Variants in KHDRBS2 observed in about 807,000 individuals in gnomAD.
The protein encoded by KHDRBS2 is KH domain-containing, RNA-binding, signal transduction-associated protein 2.
A neutral mutation model predicts 44.3 loss-of-function variants in KHDRBS2; 26 were observed. The observed-to-expected ratio is 0.59, with a 90% CI of 0.43 to 0.81. KHDRBS2 has a LOEUF of 0.81. Ranked by LOEUF, KHDRBS2 falls within the 40% of genes least tolerant of loss-of-function variation. KHDRBS2 has a pLI of 0.00. For missense variants in KHDRBS2, 476 were observed against 433.1 expected, an observed-to-expected ratio of 1.10 and a Z score of -0.88; for synonymous variants, 194 against 151.1, an observed-to-expected ratio of 1.28 and a Z score of -2.08.
chr6:61,560,358 T>A, the KHDRBS2 span, among the ~76,000 whole-genome samples: 1 of 152,150 alleles, frequency 6.6e-6, no homozygotes, highest in Non-Finnish European at 1.5e-5. Flanking sequence ...TTCTTCTAGG[T>A]TTGGGAAGTT....
At chr6:62,064,126 A>G (rs1792855282) in intron 2 of KHDRBS2, among the ~76,000 whole-genome samples, 1 of 61,332 alleles carries the variant, frequency 1.6e-5, no homozygotes, top group African/African-American at 3.9e-5. Context: ...CAAGGAAATA[A>G]AAGAGTATAC....
chr6:62,139,890 C>G (rs1213001385), intron 2 of KHDRBS2, among the ~76,000 whole-genome samples: 1 of 152,002 alleles, frequency 6.6e-6, no homozygotes, highest in Non-Finnish European at 1.5e-5. Flanking sequence ...CCCCACTCCC[C>G]GCCCACCCGC....
chr6:62,245,362 C>T (rs899696149), intron 1 of KHDRBS2, among the ~76,000 whole-genome samples: 1 of 151,960 alleles, frequency 6.6e-6, no homozygotes, highest in Non-Finnish European at 1.5e-5. Context: ...ATCCTGGCTT[C>T]ACTACTCAAA....
intron 6 of KHDRBS2, among the ~76,000 whole-genome samples, chr6:61,835,734 T>TGC (rs1205621376): frequency 2.0e-5 from 3 of 151,418 alleles, no homozygotes; most frequent in African/African-American, 7.3e-5. Context: ...TGTGTGTGTG[T>TGC]GTGTGCATGA....
the KHDRBS2 span, among the ~76,000 whole-genome samples, chr6:61,575,118 C>A: frequency 2.0e-5 from 3 of 152,166 alleles, no homozygotes; most frequent in South Asian, 6.2e-4. Context: ...TAGATGGCAC[C>A]TAATTAAACT....
the KHDRBS2 span, among the ~76,000 whole-genome samples, chr6:61,553,733 T>G: frequency 1.1e-4 from 16 of 152,196 alleles, no homozygotes; most frequent in African/African-American, 3.6e-4. Flanking sequence ...AATTTCTTGA[T>G]TTCTGCCTTG....
chr6:61,908,639 A>C (rs1484615795), intron 4 of KHDRBS2, among the ~76,000 whole-genome samples: 1 of 151,830 alleles, frequency 6.6e-6, no homozygotes, highest in Non-Finnish European at 1.5e-5. Flanking sequence ...GTCTCAAAAA[A>C]AAAAAAAAAA....
chr6:62,050,592 A>T (rs1584369706), intron 2 of KHDRBS2, among the ~76,000 whole-genome samples: 1 of 151,618 alleles, frequency 6.6e-6, no homozygotes, highest in East Asian at 2.0e-4. Flanking sequence ...GGTAAATCTC[A>T]CACACACACA....
chr6:61,762,485 G>C (rs1779416703), intron 6 of KHDRBS2, among the ~76,000 whole-genome samples: 1 of 152,150 alleles, frequency 6.6e-6, no homozygotes, highest in Admixed American at 6.6e-5. Context: ...GTGGTAATGA[G>C]TGAGTTCTTG....
chr6:61,765,168 T>TAGCATTTCTATAATCCC (rs1414248615), intron 6 of KHDRBS2, among the ~76,000 whole-genome samples: 2 of 152,108 alleles, frequency 1.3e-5, no homozygotes, highest in African/African-American at 4.8e-5. Flanking sequence ...CCAGGCATGG[T>TAGCATTTCTATAATCCC]AGCATTTCTA....
At chr6:61,893,422 G>T (rs76471451) in intron 6 of KHDRBS2, among the ~76,000 whole-genome samples, 147,883 of 152,304 alleles carry the variant, frequency 0.97, 71,831 homozygotes, top group East Asian at 1. Flanking sequence ...GGGTTATAAA[G>T]TATGCTGCTA....
intron 3 of KHDRBS2, among the ~76,000 whole-genome samples, chr6:61,996,786 C>T (rs140048605): frequency 7.2e-4 from 104 of 144,000 alleles, no homozygotes; most frequent in Non-Finnish European, 1.3e-3. Context: ...ACCCCTCCTC[C>T]CCCCCTCACC....
chr6:61,935,001 T>C (rs893485680), intron 4 of KHDRBS2, among the ~76,000 whole-genome samples: 3 of 152,196 alleles, frequency 2.0e-5, no homozygotes, highest in African/African-American at 7.2e-5. Context: ...TCTCTCACAA[T>C]TGCCTTGCCA....
At chr6:61,736,212 TCACACACA>T (rs376298733) in intron 6 of KHDRBS2, among the ~76,000 whole-genome samples, 13 of 135,562 alleles carry the variant, frequency 9.6e-5, no homozygotes, top group Admixed American at 2.3e-4. Context: ...TTACTTTACT[TCACACACA>T]CACACACACA....
chr6:62,038,652 A>G (rs1198306217), intron 3 of KHDRBS2, among the ~76,000 whole-genome samples: 1 of 152,072 alleles, frequency 6.6e-6, no homozygotes, highest in African/African-American at 2.4e-5. Flanking sequence ...TTTCTCGTTA[A>G]CATTCCCACT....
the KHDRBS2 span, among the ~76,000 whole-genome samples, chr6:61,571,694 T>C: frequency 1.3e-5 from 2 of 151,946 alleles, no homozygotes; most frequent in Non-Finnish European, 2.9e-5. Flanking sequence ...TTTAAGAAAA[T>C]TGAAATTATA....
chr6:61,911,226 T>C (rs1185093607), intron 4 of KHDRBS2, among the ~76,000 whole-genome samples: 1 of 152,178 alleles, frequency 6.6e-6, no homozygotes, highest in African/African-American at 2.4e-5. Flanking sequence ...AAGACAGGGA[T>C]GCATTTAACC....
At chr6:61,755,560 C>T (rs1478270764) in intron 6 of KHDRBS2, among the ~76,000 whole-genome samples, 2 of 151,742 alleles carry the variant, frequency 1.3e-5, no homozygotes, top group South Asian at 2.1e-4. Flanking sequence ...GTCTATAATC[C>T]CAGCACTTTA....
At chr6:61,971,699 T>G (rs1411661086) in intron 4 of KHDRBS2, among the ~76,000 whole-genome samples, 1 of 152,090 alleles carries the variant, frequency 6.6e-6, no homozygotes, top group Admixed American at 6.6e-5. Flanking sequence ...TTACCCTTGT[T>G]TGTATGGTGG....
Sources: allele counts gnomAD v4.1 joint callset (sites outside exome capture counted in the v4.1 genomes callset), GRCh38; gene constraint gnomAD v4.1.1; transcripts MANE v1.5; gene names NCBI Gene and HGNC (gene_info 2026-07-23, HGNC 2026-07-21).